The following NXPH2 variants were observed in gnomAD, a reference collection of about 807,000 sequenced individuals.
NXPH2 encodes neurexophilin-2.
Under a neutral mutation model 19.8 loss-of-function variants are expected in NXPH2, and 5 were observed. The ratio of observed to expected loss-of-function variants is 0.25; its 90% confidence interval spans 0.13 to 0.53. NXPH2 has a LOEUF of 0.53. Among genes scored for constraint, NXPH2 ranks in the 20% least tolerant of loss-of-function variants. The probability of loss-of-function intolerance (pLI) is 0.96; values close to 1 mark genes in which losing one functional copy is unlikely to be tolerated. For synonymous variants in NXPH2, 154 were observed against 127.4 expected (o/e 1.21, Z -1.41); for missense variants, 289 against 322.8 (o/e 0.90, Z 0.80).
intron 1 of NXPH2, among the ~76,000 whole-genome samples, chr2:138,779,754 G>C (rs770837293): frequency 2.0e-4 from 31 of 152,270 alleles, no homozygotes; most frequent in Non-Finnish European, 4.3e-4. Context: ...TGTGCTTTGG[G>C]AGAAGTGTCT....
intron 1 of NXPH2, among the ~76,000 whole-genome samples, chr2:138,734,241 T>A (rs1434363504): frequency 6.6e-6 from 1 of 152,110 alleles, no homozygotes; most frequent in Non-Finnish European, 1.5e-5. Flanking sequence ...GAAGACTCTG[T>A]CACAAAAAAG....
intron 1 of NXPH2, among the ~76,000 whole-genome samples, chr2:138,706,348 G>C (rs148021671): frequency 3.3e-5 from 5 of 152,294 alleles, no homozygotes; most frequent in African/African-American, 1.2e-4. Context: ...ACATGCTCTA[G>C]AAAAGTTAAG....
chr2:138,726,811 G>T (rs1245228123), intron 1 of NXPH2, among the ~76,000 whole-genome samples: 1 of 152,130 alleles, frequency 6.6e-6, no homozygotes, highest in African/African-American at 2.4e-5. Context: ...GCACTTATTA[G>T]AGTGAACATT....
At chr2:138,741,387 T>C (rs1681639779) in intron 1 of NXPH2, among the ~76,000 whole-genome samples, 1 of 152,204 alleles carries the variant, frequency 6.6e-6, no homozygotes, top group Admixed American at 6.6e-5. Flanking sequence ...AAGAATGTTC[T>C]TGAGAGCTCC....
intron 1 of NXPH2, among the ~76,000 whole-genome samples, chr2:138,717,632 G>A (rs1364206927): frequency 6.6e-6 from 1 of 151,950 alleles, no homozygotes; most frequent in Non-Finnish European, 1.5e-5. Context: ...GAATTTCAAT[G>A]TATGAATTTT....
intron 1 of NXPH2, among the ~76,000 whole-genome samples, chr2:138,752,264 G>C (rs1681839346): frequency 6.6e-6 from 1 of 152,098 alleles, no homozygotes; most frequent in South Asian, 2.1e-4. Flanking sequence ...CACTGTCCCG[G>C]TGGGGTTGTG....
Position 138,738,933 on chromosome 2 carries a change from C to T in NXPH2, c.51+41258G>A, listed in dbSNP as rs151130548. On this transcript the variant is annotated intron_variant, in intron 1 of 1. Coordinates refer to ENST00000272641, the MANE Select transcript of NXPH2 (RefSeq NM_007226.3). The stretch of plus-strand genomic sequence containing the variant: ...ATGCACCTCACACAGACTCAATAGA[C>T]GGCACAATGGAAATTAACAAGCCCT... 1.5e-4 allele frequency among the ~76,000 whole-genome samples: 23 copies of T among 152,174 alleles called. No homozygotes were observed. The East Asian group carries it at 2.9e-3, about 19-fold the overall frequency.
In NXPH2 at chr2:138,671,106, T is replaced by C; in HGVS notation, c.611A>G (p.Asn204Ser). The change falls in exon 2 of 2, where the codon AAC (asparagine) becomes AGC (serine). Residue 204 changes from asparagine to serine, a missense_variant. Transcript: ENST00000272641. ...TDRAKKTALCNFDPSKICYQE... is the reference protein window; with the variant it reads ...TDRAKKTALCSFDPSKICYQE... ...GTAGCAGATCTTGGATGGGTCAAAG[T>C]TGCACAGGGCGGTCTTTTTCGCCCG... is the stretch of plus-strand genomic sequence containing the variant. The C allele has an allele frequency of 6.2e-7, 1 of 1,613,966 alleles. No individual in the cohort carries two copies. The highest frequency in any genetic ancestry group is 8.5e-7 in the Non-Finnish European group (1 of 1,179,876).
chr2:138,764,135 T>C (rs1187156808), intron 1 of NXPH2, among the ~76,000 whole-genome samples: 1 of 152,142 alleles, frequency 6.6e-6, no homozygotes, highest in Non-Finnish European at 1.5e-5. Context: ...ACACTTAACA[T>C]ACCTTTGAGG....
rs963552805 is a variant in NXPH2 at position 138,670,266 on chromosome 2, A to G, written c.*656T>C. 6.6e-6 allele frequency among the ~76,000 whole-genome samples: 1 copy of G among 152,226 alleles called. No homozygotes were observed. Among genetic ancestry groups the G allele is most frequent in the Non-Finnish European group, 1.5e-5 (1 of 68,036 alleles). ...ACATCAGTATTCAAACTCAGGGGGA[A>G]TCATAAGAATGGTGACCAACACAGG... On this transcript the variant is annotated 3_prime_UTR_variant, in exon 2 of 2. Coordinates refer to ENST00000272641, the MANE Select transcript of NXPH2 (RefSeq NM_007226.3).
At chr2:138,732,962 A>C (rs1186737380) in intron 1 of NXPH2, among the ~76,000 whole-genome samples, 1 of 152,206 alleles carries the variant, frequency 6.6e-6, no homozygotes, top group Non-Finnish European at 1.5e-5. Flanking sequence ...TAAGCAATTG[A>C]ATATATTTCC....
chr2:138,720,874 T>C (rs750098349), intron 1 of NXPH2, among the ~76,000 whole-genome samples: 203 of 152,124 alleles, frequency 1.3e-3, no homozygotes, highest in Non-Finnish European at 2.2e-3. Flanking sequence ...GCCTGACACA[T>C]TGGAGTCTCT....
chr2:138,726,960 T>G (rs368549700), intron 1 of NXPH2, among the ~76,000 whole-genome samples: 10 of 152,292 alleles, frequency 6.6e-5, no homozygotes, highest in African/African-American at 2.2e-4. Flanking sequence ...CCTCCCTCCC[T>G]GCTCACCCCA....
At chr2:138,723,299 T>A (rs917652980) in intron 1 of NXPH2, among the ~76,000 whole-genome samples, 7 of 152,096 alleles carry the variant, frequency 4.6e-5, no homozygotes, top group South Asian at 2.1e-4. Context: ...GGGGAAATTT[T>A]AAAAAAATTC....
rs1450295958 is a variant in NXPH2 at position 138,687,051 on chromosome 2, T to A, written c.52-15386A>T. On this transcript the variant is annotated intron_variant, in intron 1 of 1. Transcript: ENST00000272641. ...TCTTTATAGCAGCATGATTTATAAT[T>A]TTTTGGGTATATACCCAGTAATGGG... 4.6e-5 allele frequency among the ~76,000 whole-genome samples: 7 copies of A among 152,260 alleles called. No homozygotes were observed. In the East Asian group the frequency reaches 1.4e-3, roughly 29 times the overall value.
At position 138,768,947 on chromosome 2, in the gene NXPH2, G is replaced by A. The variant is rs1256770344; in HGVS notation, c.51+11244C>T. Among the ~76,000 whole-genome samples, 8 of 152,234 alleles carry A rather than the reference G, an allele frequency of 5.3e-5. No homozygotes were observed. The South Asian group carries it at 1.5e-3, about 28-fold the overall frequency. On this transcript the variant is annotated intron_variant, in intron 1 of 1. Coordinates refer to ENST00000272641, the MANE Select transcript of NXPH2 (RefSeq NM_007226.3). Reference sequence around the variant, plus strand: ...AAGTCAGCCTGACATCAAAACCTACGCTTTTCCCTCCACTCTGAAATATTC... The same window carrying A: ...AAGTCAGCCTGACATCAAAACCTACACTTTTCCCTCCACTCTGAAATATTC...
At chr2:138,755,053 C>T (rs866267845) in intron 1 of NXPH2, among the ~76,000 whole-genome samples, 2 of 152,030 alleles carry the variant, frequency 1.3e-5, no homozygotes, top group Non-Finnish European at 2.9e-5. Context: ...CTTTAAATTG[C>T]TTTTTACTGT....
chr2:138,765,470 A>G (rs1391118397), intron 1 of NXPH2, among the ~76,000 whole-genome samples: 1 of 152,232 alleles, frequency 6.6e-6, no homozygotes, highest in African/African-American at 2.4e-5. Context: ...CTCATAGGGT[A>G]CCTTCACAGA....
At chr2:138,728,848 C>T (rs1351627496) in intron 1 of NXPH2, among the ~76,000 whole-genome samples, 1 of 152,164 alleles carries the variant, frequency 6.6e-6, no homozygotes, top group Non-Finnish European at 1.5e-5. Flanking sequence ...TTCATGACTT[C>T]TGTTTTCATC....
Sources: gnomAD v4.1 joint callset for allele counts (sites outside exome capture counted in the v4.1 genomes callset) on GRCh38, gnomAD v4.1.1 for gene constraint, MANE v1.5 for transcripts, NCBI Gene and HGNC (gene_info 2026-07-23, HGNC 2026-07-21) for gene names.